NSUN5: variants seen among roughly 807,000 people sequenced by gnomAD.
The protein encoded by NSUN5 is 28S rRNA (cytosine-C(5))-methyltransferase.
In NSUN5, 39 loss-of-function variants were observed where a neutral mutation model predicts 51.1. The observed-to-expected ratio is 0.76, with a 90% CI of 0.59 to 1.00. NSUN5 has a LOEUF of 1.00. Among genes scored for constraint, NSUN5 ranks in the 50% least tolerant of loss-of-function variants. The pLI is 0.00. For synonymous variants in NSUN5, 266 were observed against 271.5 expected (o/e 0.98, Z 0.20); for missense variants, 526 against 614.0 (o/e 0.86, Z 1.51).
At position 73,307,705 on chromosome 7, in the gene NSUN5, C is replaced by T. The variant is rs373433551; in HGVS notation, c.269G>A (p.Arg90Gln). 4 of 1,599,954 alleles carry T rather than the reference C, an allele frequency of 2.5e-6. No homozygotes were observed. The highest frequency in any genetic ancestry group is 1.8e-5 in the Admixed American group (1 of 57,140). Residue 90 changes from arginine (R) to glutamine (Q), a missense_variant, in exon 3 of 10, where the codon CGA (arginine) becomes CAA (glutamine). By Grantham distance (43) the Arg-to-Gln change is conservative (BLOSUM62 1). Transcript: ENST00000438747. ...LGKGFRGGGG[R>Q]WKALLGRHQA... ...GTGCCGGCCCAACAGAGCCTTCCAT[C>T]GGCCCCCACCCCCTCGAAAGCCCTT...
Position 73,308,465 on chromosome 7 carries a change from C to A in NSUN5, c.182G>T (p.Arg61Leu). Residue 61 changes from arginine to leucine, a missense_variant, in exon 2 of 10, where the codon CGT becomes CTT. Transcript: ENST00000438747. ...DAVIASAGLL[R>L]AEKKLRPHLA... is the part of the protein sequence containing the mutation. ...GTGCGGCCGCAGCTTCTTCTCCGCA[C>A]GGAGGAGGCCGGCGCTGGCGATCAC... 2 of 1,607,530 alleles carry A rather than the reference C, an allele frequency of 1.2e-6. No individual in the cohort carries two copies. The highest frequency in any genetic ancestry group is 4.5e-5 in the East Asian group (2 of 44,760).
At position 73,308,448 on chromosome 7, in the gene NSUN5, G is replaced by A; in HGVS notation, c.199C>T (p.Arg67Trp). Residue 67 changes from arginine (R) to tryptophan (W), a missense_variant, in exon 2 of 10, where the codon CGG becomes TGG. Transcript: ENST00000438747. ...CCCCTCACCTTGGCCAGGTGCGGCC[G>A]CAGCTTCTTCTCCGCACGGAGGAGG... ...AGLLRAEKKLRPHLAKVLVYE... is the reference protein window; with the variant it reads ...AGLLRAEKKLWPHLAKVLVYE... 5.0e-6 allele frequency: 8 copies of A among 1,602,314 alleles called. No individual in the cohort carries two copies. The East Asian group carries it at 1.1e-4, about 22-fold the overall frequency.
In NSUN5 at chr7:73,303,834, G is replaced by T; in HGVS notation, c.1137C>A (p.Gly379=). 1 of 1,613,782 alleles carries T rather than the reference G, an allele frequency of 6.2e-7. No homozygotes were observed. The highest frequency in any genetic ancestry group is 8.5e-7 in the Non-Finnish European group (1 of 1,179,866). ...TGGCGCCCGCCCTGTACCTGAAGGC[G>T]CCCGGGTTCTGCTGCAGCGCATCTC... ...VVRDALQQNP[G]AFRLAPALPA... The change falls in exon 8 of 10, where the codon GGC becomes GGA. Residue 379 remains glycine (G), a synonymous_variant. Transcript: ENST00000438747.
Position 73,308,498 on chromosome 7 carries a change from A to G in NSUN5, c.149T>C (p.Leu50Pro). Residue 50 changes from leucine to proline, a missense_variant, in exon 2 of 10, where the codon CTG (leucine) becomes CCG (proline). Transcript: ENST00000438747. ...GCCGGCGCTGGCGATCACAGCATCCAGCACGGCGGAGTAGCGCTGCGTTTC... is the reference window on the plus strand; with the variant it reads ...GCCGGCGCTGGCGATCACAGCATCCGGCACGGCGGAGTAGCGCTGCGTTTC... ...VCETQRYSAV[L>P]DAVIASAGLL... The G allele has an allele frequency of 6.2e-7, 1 of 1,608,026 alleles. No individual in the cohort carries two copies. Among genetic ancestry groups the G allele is most frequent in the Non-Finnish European group, 8.5e-7 (1 of 1,176,518 alleles).
In NSUN5 at chr7:73,308,740, G is replaced by A; in HGVS notation, c.51C>T (p.Arg17=). 6.2e-7 allele frequency: 1 copy of A among 1,612,676 alleles called. No homozygotes were observed. Among genetic ancestry groups the A allele is most frequent in the Non-Finnish European group, 8.5e-7 (1 of 1,179,802 alleles). Residue 17 remains arginine, a synonymous_variant, in exon 1 of 10, where the codon CGC becomes CGT. Coordinates refer to ENST00000438747, the MANE Select transcript of NSUN5 (RefSeq NM_148956.4). ...AAGVLAGVES[R]QGSIKGLVYS... Reference sequence around the variant, plus strand: ...ACACCAACCCCTTGATAGAGCCCTGGCGGCTCTCCACGCCGGCCAACACGC... The same window carrying A: ...ACACCAACCCCTTGATAGAGCCCTGACGGCTCTCCACGCCGGCCAACACGC...
rs1396164323 is a variant in NSUN5 at position 73,308,817 on chromosome 7, G to A, written c.-27C>T. 1.2e-6 allele frequency: 2 copies of A among 1,604,416 alleles called. No homozygotes were observed. The highest frequency in any genetic ancestry group is 1.7e-6 in the Non-Finnish European group (2 of 1,172,842). Reference sequence around the variant, plus strand: ...TTCCCGCGCGCCTTTACGGCTCTGTGGCAAAACGCACCCGGCTCGGCGCCC... The same window carrying A: ...TTCCCGCGCGCCTTTACGGCTCTGTAGCAAAACGCACCCGGCTCGGCGCCC... On this transcript the variant is annotated 5_prime_UTR_variant, in exon 1 of 10. Coordinates refer to ENST00000438747, the MANE Select transcript of NSUN5 (RefSeq NM_148956.4).
intron 5 of NSUN5, 41 bp downstream of exon 5, chr7:73,304,918 C>G: frequency 6.2e-7 from 1 of 1,611,786 alleles, no homozygotes; most frequent in Non-Finnish European, 8.5e-7. Context: ...AGGCCCTTCC[C>G]GTGCCTACAC....
At chr7:73,308,636 C>T (rs1554542343) in intron 1 of NSUN5, 62 bp downstream of exon 1, 2 of 1,589,604 alleles carry the variant, frequency 1.3e-6, no homozygotes, top group African/African-American at 2.7e-5. Flanking sequence ...CACCCGGGCC[C>T]GTCCGACCCC....
At chr7:73,307,234 T>C (rs1303756291) in intron 4 of NSUN5, among the ~76,000 whole-genome samples, 160 bp downstream of exon 4, 3 of 152,034 alleles carry the variant, frequency 2.0e-5, no homozygotes, top group Non-Finnish European at 4.4e-5. Flanking sequence ...AGGAGTTCGA[T>C]GTTTAAGGGA....
rs1563288909 is a variant in NSUN5 at position 73,303,984 on chromosome 7, C to T, written c.987G>A (p.Val329=). ...EEPGAGTPSP[V]RLHALAGFQQ... ...GGAACCCTGCCAGGGCATGCAGACG[C>T]ACCGGGCTAGGTGTGCCTGCCCCGG... is the stretch of plus-strand genomic sequence containing the variant. Residue 329 remains valine, a synonymous_variant, in exon 8 of 10, where the codon GTG becomes GTA. Transcript: ENST00000438747. 6.2e-7 allele frequency: 1 copy of T among 1,614,192 alleles called. No individual in the cohort carries two copies. Among genetic ancestry groups the T allele is most frequent in the Non-Finnish European group, 8.5e-7 (1 of 1,180,040 alleles).
Position 73,303,646 on chromosome 7 carries a change from T to C in NSUN5, c.1240A>G (p.Ser414Gly). The C allele has an allele frequency of 6.2e-7, 1 of 1,614,204 alleles. No individual in the cohort carries two copies. The change falls in exon 9 of 10, where the codon AGC (serine) becomes GGC (glycine). Residue 414 changes from serine to glycine, a missense_variant. Physicochemically the swap from Ser to Gly is moderately conservative, Grantham distance 56. Transcript: ENST00000438747. ...ATTACAGCAACGAAGAAGCCACTGC[T>C]GAGTGTGGTCTCAGGGGAGGCCCGG... ...CLRASPETTL[S>G]SGFFVAVIER...
rs1554541185 is a variant in NSUN5, at chr7:73,303,756, C to A, written c.1146-16G>T. 6.2e-7 allele frequency: 1 copy of A among 1,613,922 alleles called. No individual in the cohort carries two copies. The highest frequency in any genetic ancestry group is 8.5e-7 in the Non-Finnish European group (1 of 1,179,882). On this transcript the variant is annotated splice_polypyrimidine_tract_variant and intron_variant, in intron 8 of 9. Transcript: ENST00000438747. ...GGGAGCTAGCCTGCAAGAGAAACGG[C>A]CCCAATGCTGGGTAAGAGAGCAGCT...
intron 2 of NSUN5, chr7:73,307,959 T>C: frequency 1.7e-6 from 1 of 587,122 alleles, no homozygotes; most frequent in Non-Finnish European, 3.0e-6. Context: ...CTTCCCAGCC[T>C]TAGACCCTTT....
rs1485206317 is a variant in NSUN5, at chr7:73,304,797, G to A, written c.705C>T (p.Ala235=). Residue 235 remains alanine (A), a synonymous_variant, in exon 6 of 10, where the codon GCC becomes GCT. Coordinates refer to ENST00000438747, the MANE Select transcript of NSUN5 (RefSeq NM_148956.4). ...PPGSHVIDAC[A]APGNKTSHLA... ...AGTGACTGGTCTTATTGCCTGGGGC[G>A]GCACAGGCATCGATGACATGGGAGC... 41 of 1,613,778 alleles carry A rather than the reference G, an allele frequency of 2.5e-5. No individual in the cohort carries two copies. Among genetic ancestry groups the A allele is most frequent in the Admixed American group, 1.2e-4 (7 of 59,998 alleles).
rs782342184 is a variant in NSUN5, at chr7:73,308,564, G to T, written c.94-11C>A. On this transcript the variant is annotated splice_polypyrimidine_tract_variant and intron_variant, in intron 1 of 9. Transcript: ENST00000438747. ...CAGCTGCTTCACGTTCTGTGTGGCC[G>T]AGGAAGACAAGCTGGGTGGGGGCTC... 15 of 1,594,416 alleles carry T rather than the reference G, an allele frequency of 9.4e-6. No homozygotes were observed. Among genetic ancestry groups the T allele is most frequent in the Non-Finnish European group, 9.4e-6 (11 of 1,165,690 alleles).
chr7:73,307,645 T>C lies in NSUN5; in HGVS notation c.329A>G (p.Lys110Arg). 1 of 1,592,498 alleles carries C rather than the reference T, an allele frequency of 6.3e-7. No homozygotes were observed. The highest frequency in any genetic ancestry group is 1.1e-5 in the South Asian group (1 of 90,624). Residue 110 changes from lysine (K) to arginine (R), a missense_variant, in exon 3 of 10, where the codon AAG (lysine) becomes AGG (arginine). Transcript: ENST00000438747. ...ATTCCGGCTCACACCCCGATGAACC[T>C]TGAGCCGAGCCAACTCAGCCTTGAG... is the stretch of plus-strand genomic sequence containing the variant. ...ARLKAELARL[K>R]VHRGVSRNED...
At chr7:73,308,115 C>A in intron 2 of NSUN5, 1 of 458,698 alleles carries the variant, frequency 2.2e-6, no homozygotes, top group East Asian at 3.6e-5. Context: ...CTCACTGCAG[C>A]TTCGACCTCC....
chr7:73,304,495 C>T, intron 6 of NSUN5, 87 bp from the exon 7 acceptor site: 1 of 1,317,388 alleles, frequency 7.6e-7, no homozygotes, highest in Non-Finnish European at 1.1e-6. Flanking sequence ...TAAGCCAGGA[C>T]ACACAATATT....
At chr7:73,308,225 T>G in intron 2 of NSUN5, 1 of 654,514 alleles carries the variant, frequency 1.5e-6, no homozygotes, top group Non-Finnish European at 2.4e-6. Flanking sequence ...CACTACCACT[T>G]TGTACTTCGG....
Sources: allele counts gnomAD v4.1 joint callset (sites outside exome capture counted in the v4.1 genomes callset), GRCh38; gene constraint gnomAD v4.1.1; transcripts MANE v1.5; gene names NCBI Gene and HGNC (gene_info 2026-07-23, HGNC 2026-07-21).